Variants in COL26A1 observed in about 807,000 individuals in gnomAD.
COL26A1 encodes the protein collagen type XXVI alpha 1 chain.
In COL26A1, 41 loss-of-function variants were observed where a neutral mutation model predicts 59.3. That is an observed-to-expected ratio of 0.69 (90% CI 0.54 to 0.90). The LOEUF is 0.90. Among genes scored for constraint, COL26A1 ranks in the 40% least tolerant of loss-of-function variants. The pLI, the probability that COL26A1 is intolerant of heterozygous loss-of-function variation, is 0.00. For missense variants in COL26A1, 612 were observed against 602.3 expected (o/e 1.02, Z -0.17); for synonymous variants, 266 against 256.0 (o/e 1.04, Z -0.37).
At chr7:101,500,267 C>G (rs1465369613) in intron 3 of COL26A1, among the ~76,000 whole-genome samples, 1 of 152,186 alleles carries the variant, frequency 6.6e-6, no homozygotes, top group East Asian at 1.9e-4. Context: ...AGCAGGACAT[C>G]TGTACTTGCT....
At chr7:101,489,847 T>C (rs1584456662) in intron 3 of COL26A1, among the ~76,000 whole-genome samples, 1 of 31,644 alleles carries the variant, frequency 3.2e-5, no homozygotes, top group South Asian at 1.4e-3. Flanking sequence ...TCTTTCTTTC[T>C]TTCTTTCTTT....
chr7:101,397,692 G>A (rs772443552), intron 1 of COL26A1, among the ~76,000 whole-genome samples: 12 of 151,710 alleles, frequency 7.9e-5, no homozygotes, highest in Non-Finnish European at 1.5e-4. Context: ...ACACACCACC[G>A]TGCCTGGATA....
chr7:101,386,651 A>C (rs1438787820), intron 1 of COL26A1, among the ~76,000 whole-genome samples: 1 of 152,136 alleles, frequency 6.6e-6, no homozygotes, highest in Admixed American at 6.6e-5. Context: ...TTATTGAATC[A>C]ACGGCAGCTG....
intron 1 of COL26A1, among the ~76,000 whole-genome samples, chr7:101,383,958 C>T (rs114440689): frequency 0.013 from 1,967 of 152,148 alleles, 38 homozygotes; most frequent in African/African-American, 0.045. Context: ...GCATGAGCCG[C>T]TGTGCCCAGC....
intron 1 of COL26A1, among the ~76,000 whole-genome samples, chr7:101,413,254 C>T (rs561788232): frequency 6.6e-6 from 1 of 152,066 alleles, no homozygotes; most frequent in East Asian, 1.9e-4. Flanking sequence ...CGCGGTGGCT[C>T]GTGCCTATAA....
In COL26A1 at chr7:101,550,970, G is replaced by A. The variant is rs1053888689; in HGVS notation, c.994-138G>A. On this transcript the variant is annotated intron_variant, in intron 9 of 12. Transcript: ENST00000313669. The stretch of plus-strand genomic sequence containing the variant: ...GGAGGCCTTTGAGTCTGCCCTTCCC[G>A]TGCCGGCCGGGCCATCCTCCTCTCC... 1.8e-5 allele frequency: 17 copies of A among 956,880 alleles called. No individual in the cohort carries two copies. In the Middle Eastern group the frequency reaches 1.1e-3, roughly 64 times the overall value. The allele number at this position is 956,880 out of a possible 1,614,324, so 59.3% of individuals were successfully genotyped here.
chr7:101,542,911 C>T (rs973359094), intron 5 of COL26A1, among the ~76,000 whole-genome samples: 3 of 152,250 alleles, frequency 2.0e-5, no homozygotes, highest in Non-Finnish European at 4.4e-5. Context: ...TCCCATCCCA[C>T]CGGGGACCCA....
At chr7:101,512,082 C>T (rs1357385920) in intron 3 of COL26A1, among the ~76,000 whole-genome samples, 1 of 152,196 alleles carries the variant, frequency 6.6e-6, no homozygotes, top group East Asian at 1.9e-4. Context: ...TTACCAGAAG[C>T]TAAGGAAGCA....
At chr7:101,527,761 G>T (rs890590250) in intron 3 of COL26A1, among the ~76,000 whole-genome samples, 3 of 151,748 alleles carry the variant, frequency 2.0e-5, no homozygotes, top group Admixed American at 6.6e-5. Flanking sequence ...GGTCCTAGAC[G>T]CTGGGAAAGG....
intron 7 of COL26A1, 123 bp from the exon 8 acceptor site, chr7:101,547,033 G>A (rs1795749939): frequency 1.6e-6 from 1 of 623,344 alleles, no homozygotes. Flanking sequence ...CGGGCCCCAG[G>A]GTGATGGGAG....
chr7:101,457,410 T>C (rs544708066), intron 3 of COL26A1, among the ~76,000 whole-genome samples: 1 of 152,336 alleles, frequency 6.6e-6, no homozygotes, highest in South Asian at 2.1e-4. Context: ...CAGGCACCTA[T>C]AATTCTAATC....
intron 1 of COL26A1, among the ~76,000 whole-genome samples, chr7:101,398,452 CTCTT>C (rs1244669000): frequency 6.6e-6 from 1 of 152,154 alleles, no homozygotes; most frequent in African/African-American, 2.4e-5. Context: ...CAACCAAGTC[CTCTT>C]ATTGGGCTTA....
At chr7:101,485,382 T>C (rs879928145) in intron 3 of COL26A1, among the ~76,000 whole-genome samples, 2 of 152,176 alleles carry the variant, frequency 1.3e-5, no homozygotes, top group African/African-American at 2.4e-5. Context: ...GAGACACATT[T>C]TGACGTCAGG....
chr7:101,433,319 T>C (rs1792826148), intron 2 of COL26A1, among the ~76,000 whole-genome samples: 1 of 151,992 alleles, frequency 6.6e-6, no homozygotes, highest in Non-Finnish European at 1.5e-5. Context: ...AGCCAGACCC[T>C]GCATCAAAAA....
chr7:101,445,090 C>G (rs1453544283), intron 2 of COL26A1, among the ~76,000 whole-genome samples: 1 of 151,852 alleles, frequency 6.6e-6, no homozygotes, highest in African/African-American at 2.4e-5. Context: ...ATTCACCCAC[C>G]TCGGCCTCCC....
intron 1 of COL26A1, among the ~76,000 whole-genome samples, chr7:101,379,798 C>T (rs1281239252): frequency 6.6e-6 from 1 of 152,178 alleles, no homozygotes; most frequent in Non-Finnish European, 1.5e-5. Flanking sequence ...TACACTCCCA[C>T]CAGCGCCATA....
chr7:101,524,274 GA>G lies in COL26A1; in HGVS notation c.386-8795del, dbSNP rs112209193. Among the ~76,000 whole-genome samples, 1,104 of 122,246 alleles carry G rather than the reference GA, an allele frequency of 9.0e-3. 5 individuals carry two copies. The highest frequency in any genetic ancestry group is 0.027 in the Middle Eastern group (7 of 256). 80.2% of individuals were successfully genotyped at this position (122,246 alleles called of 152,430 possible). A position where few individuals can be genotyped will look rare whatever the true frequency, so the allele number is the denominator to read the frequency against. On this transcript the variant is annotated intron_variant, in intron 3 of 12. Transcript: ENST00000313669. ...TGACAGAGTGAGACTCTGTCTCAAA[GA>G]AAAAAAAAAAAACGACTATTGCAGT...
In COL26A1 at chr7:101,489,716, TCTTTCTTTCTCTCTCTCTTTCTCTC is replaced by T. The variant is rs1794368274; in HGVS notation, c.385+41930_385+41954del. On this transcript the variant is annotated intron_variant, in intron 3 of 12. Transcript: ENST00000313669. Reference sequence around the variant, plus strand: ...TTCTTTCTGTCTTTCTTTCTTTCATTCTTTCTTTCTCTCTCTCTTTCTCTCTTTCTTTCTTGTCTCTCTTTCTTTC... The same window carrying T: ...TTCTTTCTGTCTTTCTTTCTTTCATTTTTCTTTCTTGTCTCTCTTTCTTTC... Among the ~76,000 whole-genome samples the T allele has an allele frequency of 3.7e-5, 4 of 108,854 alleles. 1 individual carries two copies. The highest frequency in any genetic ancestry group is 2.4e-4 in the African/African-American group (4 of 16,998). The allele number at this position is 108,854 out of a possible 152,430, so 71.4% of individuals were successfully genotyped here. A position where few individuals can be genotyped will look rare whatever the true frequency, so the allele number is the denominator to read the frequency against.
intron 4 of COL26A1, among the ~76,000 whole-genome samples, chr7:101,539,451 G>A (rs1389906790): frequency 6.6e-6 from 1 of 151,982 alleles, no homozygotes; most frequent in Non-Finnish European, 1.5e-5. Flanking sequence ...TCAGCCTCCT[G>A]AGTAACTGGG....
Sources: allele counts gnomAD v4.1 joint callset (sites outside exome capture counted in the v4.1 genomes callset), GRCh38; gene constraint gnomAD v4.1.1; transcripts MANE v1.5; gene names NCBI Gene and HGNC (gene_info 2026-07-23, HGNC 2026-07-21).